The following SNTG1 variants were observed in gnomAD, a reference collection of about 807,000 sequenced individuals.
SNTG1 encodes the protein gamma-1-syntrophin.
A neutral mutation model predicts 74.7 loss-of-function variants in SNTG1; 39 were observed. That is an observed-to-expected ratio of 0.52 (90% CI 0.40 to 0.68). SNTG1 has a LOEUF of 0.68. Ranked by LOEUF, SNTG1 falls within the 30% of genes least tolerant of loss-of-function variation. The pLI is 0.00. For missense variants in SNTG1, 685 were observed against 609.5 expected, an observed-to-expected ratio of 1.12 and a Z score of -1.30; for synonymous variants, 254 against 217.1, an observed-to-expected ratio of 1.17 and a Z score of -1.49.
At chr8:50,646,294 G>A (rs2095108744) in intron 13 of SNTG1, among the ~76,000 whole-genome samples, 1 of 152,110 alleles carries the variant, frequency 6.6e-6, no homozygotes, top group African/African-American at 2.4e-5. Flanking sequence ...TCCTTTGGAA[G>A]GTTCATTAAA....
chr8:50,521,381 G>A lies in SNTG1; in HGVS notation c.467-8796G>A, dbSNP rs113776011. ...GTGCATAGCTATGTAACAAACCTGCGTTTCCTGCACATGTACCCCAGAACT... is the reference window on the plus strand; with the variant it reads ...GTGCATAGCTATGTAACAAACCTGCATTTCCTGCACATGTACCCCAGAACT... On this transcript the variant is annotated intron_variant, in intron 9 of 18. Coordinates refer to ENST00000642720, the MANE Select transcript of SNTG1 (RefSeq NM_018967.5). Among the ~76,000 whole-genome samples the A allele has an allele frequency of 1.2e-3, 181 of 152,146 alleles. 1 individual carries two copies. The highest frequency in any genetic ancestry group is 2.6e-3 in the Admixed American group (40 of 15,264).
chr8:50,688,733 A>C (rs946731661), intron 15 of SNTG1, among the ~76,000 whole-genome samples: 19 of 152,030 alleles, frequency 1.2e-4, no homozygotes, highest in African/African-American at 3.4e-4. Context: ...TTGACTTGGC[A>C]ATGCGGGCTA....
intron 1 of SNTG1, among the ~76,000 whole-genome samples, chr8:50,009,716 G>C (rs576296247): frequency 6.6e-6 from 1 of 152,312 alleles, no homozygotes; most frequent in East Asian, 1.9e-4. Flanking sequence ...GTATGTACAA[G>C]GCTGCCTGTG....
intron 15 of SNTG1, among the ~76,000 whole-genome samples, chr8:50,680,753 T>C (rs529221352): frequency 1.8e-4 from 28 of 152,152 alleles, no homozygotes; most frequent in South Asian, 6.2e-4. Context: ...CGTGGAAGCA[T>C]TGGGCTGCGG....
rs1233248380 is a variant in SNTG1 at position 50,501,437 on chromosome 8, T to TG, written c.364-1341_364-1340insG. ...GATGAGCCTGTGCGTTTTTTTTTTT[T>TG]TTTTTTTTTTTTTTTTTCACGGAGT... On this transcript the variant is annotated intron_variant, in intron 8 of 18. Transcript: ENST00000642720. Among the ~76,000 whole-genome samples, 185 of 127,550 alleles carry TG rather than the reference T, an allele frequency of 1.5e-3. 3 individuals are homozygous for TG. Among genetic ancestry groups the TG allele is most frequent in the Non-Finnish European group, 2.7e-3 (160 of 59,882 alleles). 83.7% of individuals were successfully genotyped at this position (127,550 alleles called of 152,430 possible). A position where few individuals can be genotyped will look rare whatever the true frequency, so the allele number is the denominator to read the frequency against.
chr8:50,457,205 G>C (rs1157910566), intron 8 of SNTG1: 1 of 152,108 alleles, frequency 6.6e-6, no homozygotes, highest in African/African-American at 2.4e-5. Context: ...TCTTTTTCAG[G>C]TAAAATCTTC....
intron 2 of SNTG1, among the ~76,000 whole-genome samples, chr8:50,251,031 A>T (rs1048648724): frequency 1.3e-5 from 2 of 152,048 alleles, no homozygotes; most frequent in Admixed American, 6.6e-5. Flanking sequence ...TTAATGACTA[A>T]GGAACACATA....
At chr8:50,716,733 C>CCTT (rs1554619725) in intron 17 of SNTG1, among the ~76,000 whole-genome samples, 8 of 147,938 alleles carry the variant, frequency 5.4e-5, no homozygotes, top group Non-Finnish European at 7.5e-5. Flanking sequence ...CTTTCTTATT[C>CCTT]TTTTTTTTTT....
chr8:50,105,228 A>G (rs1278270497), intron 1 of SNTG1, among the ~76,000 whole-genome samples: 1 of 152,142 alleles, frequency 6.6e-6, no homozygotes, highest in East Asian at 1.9e-4. Flanking sequence ...GAAGGAGTCC[A>G]GCTCCTATCT....
At chr8:50,013,641 A>G (rs1048712781) in intron 1 of SNTG1, among the ~76,000 whole-genome samples, 2 of 152,074 alleles carry the variant, frequency 1.3e-5, no homozygotes, top group South Asian at 4.1e-4. Flanking sequence ...AATTTTACAT[A>G]TCTGTGGGAT....
At chr8:50,318,673 T>C (rs2090408408) in intron 2 of SNTG1, among the ~76,000 whole-genome samples, 1 of 152,210 alleles carries the variant, frequency 6.6e-6, no homozygotes, top group South Asian at 2.1e-4. Context: ...CTGAAGCTTT[T>C]CTGTCAATTC....
intron 2 of SNTG1, among the ~76,000 whole-genome samples, chr8:50,226,782 C>A (rs902958621): frequency 2.6e-5 from 4 of 152,122 alleles, no homozygotes; most frequent in African/African-American, 9.7e-5. Flanking sequence ...AACCCGACCA[C>A]CCTGGGCACA....
At chr8:50,285,937 A>G (rs1297568593) in intron 2 of SNTG1, among the ~76,000 whole-genome samples, 1 of 152,038 alleles carries the variant, frequency 6.6e-6, no homozygotes, top group African/African-American at 2.4e-5. Flanking sequence ...TTTCATCAAT[A>G]ACATGCTACT....
At chr8:50,412,523 T>C (rs2092962583) in intron 4 of SNTG1, among the ~76,000 whole-genome samples, 2 of 152,188 alleles carry the variant, frequency 1.3e-5, no homozygotes, top group Non-Finnish European at 2.9e-5. Context: ...TAAAAGAGAA[T>C]ATGGTCTCTG....
chr8:50,692,217 GTTTGATCATTTGAAGCC>G (rs1340632144), intron 15 of SNTG1, among the ~76,000 whole-genome samples: 10 of 152,046 alleles, frequency 6.6e-5, no homozygotes, highest in Non-Finnish European at 1.0e-4. Context: ...GCTCGGAGTA[GTTTGATCATTTGAAGCC>G]TTCTTCTCTC....
intron 1 of SNTG1, among the ~76,000 whole-genome samples, chr8:50,150,059 T>A (rs1374048778): frequency 2.0e-5 from 3 of 150,764 alleles, no homozygotes; most frequent in Non-Finnish European, 4.4e-5. Flanking sequence ...TTGTATCCTC[T>A]TTTTTTCATT....
chr8:50,159,409 G>A (rs1344079666), intron 1 of SNTG1, among the ~76,000 whole-genome samples: 1 of 152,056 alleles, frequency 6.6e-6, no homozygotes, highest in Non-Finnish European at 1.5e-5. Flanking sequence ...CTTAGGACAG[G>A]TTTAGGCATT....
intron 1 of SNTG1, among the ~76,000 whole-genome samples, chr8:50,043,902 G>A (rs1026647159): frequency 5.3e-5 from 8 of 152,152 alleles, no homozygotes; most frequent in African/African-American, 1.9e-4. Context: ...CTAGGGAGAT[G>A]TCCTTAGTGA....
chr8:49,948,770 T>C (rs1040867301), intron 1 of SNTG1, among the ~76,000 whole-genome samples: 6 of 152,168 alleles, frequency 3.9e-5, no homozygotes, highest in African/African-American at 1.4e-4. Context: ...GGATGCAGTG[T>C]CTCTGCTCCT....
Sources: allele counts gnomAD v4.1 joint callset (sites outside exome capture counted in the v4.1 genomes callset), GRCh38; gene constraint gnomAD v4.1.1; transcripts MANE v1.5; gene names NCBI Gene and HGNC (gene_info 2026-07-23, HGNC 2026-07-21).